The following GAPDHS variants were observed in gnomAD, a reference collection of about 807,000 sequenced individuals.
GAPDHS encodes the protein glyceraldehyde-3-phosphate dehydrogenase, testis-specific.
Under a neutral mutation model 48.7 loss-of-function variants are expected in GAPDHS, and 42 were observed. The observed-to-expected ratio is 0.86, with a 90% confidence interval of 0.67 to 1.12. GAPDHS has a LOEUF of 1.12. Among genes scored for constraint, GAPDHS ranks in the 50% most tolerant of loss-of-function variants. The pLI, the probability that GAPDHS is intolerant of heterozygous loss-of-function variation, is 0.00. For missense variants in GAPDHS, 512 were observed against 557.7 expected (o/e 0.92, Z 0.82); for synonymous variants, 166 against 219.1 (o/e 0.76, Z 2.14).
At chr19:35,542,286 G>C (rs764724573) in intron 4 of GAPDHS, 33 bp from the exon 5 acceptor site, 2 of 1,437,764 alleles carry the variant, frequency 1.4e-6, no homozygotes, top group South Asian at 2.3e-5. Context: ...CTCAAGCAGG[G>C]GAGACTGACT....
chr19:35,543,066 G>A, intron 7 of GAPDHS, 40 bp downstream of exon 7: 2 of 1,478,306 alleles, frequency 1.4e-6, no homozygotes, highest in Non-Finnish European at 1.9e-6. Flanking sequence ...AAGGATGGCA[G>A]GGAAACCCAA....
At position 35,543,752 on chromosome 19, in the gene GAPDHS, C is replaced by T; in HGVS notation, c.981C>T (p.Tyr327=). The change falls in exon 9 of 11, where the codon TAC becomes TAT. Residue 327 remains tyrosine, a synonymous_variant. Transcript: ENST00000222286. ...LTCRLAQPAP[Y]SAIKEAVKAA... ...GCCGCCTCGCCCAGCCTGCCCCCTA[C>T]TCAGCCATCAAGGAGGCTGTAAAAG... 6.2e-7 allele frequency: 1 copy of T among 1,614,022 alleles called. No homozygotes were observed.
intron 6 of GAPDHS, 116 bp from the exon 7 acceptor site, chr19:35,542,829 C>T (rs1288029963): frequency 2.4e-6 from 2 of 825,914 alleles, no homozygotes; most frequent in Non-Finnish European, 4.2e-6. Context: ...TCCCTCTCAC[C>T]CTCATCCTGA....
chr19:35,536,361 C>T (rs2071466024), intron 1 of GAPDHS, among the ~76,000 whole-genome samples: 1 of 151,848 alleles, frequency 6.6e-6, no homozygotes, highest in South Asian at 2.1e-4. Flanking sequence ...GGGTGGATCA[C>T]CTAAGGTCAG....
chr19:35,543,446 C>A lies in GAPDHS; in HGVS notation c.848C>A (p.Thr283Asn), dbSNP rs1426932407. The A allele has an allele frequency of 6.2e-7, 1 of 1,607,362 alleles. No individual in the cohort carries two copies. The highest frequency in any genetic ancestry group is 8.5e-7 in the Non-Finnish European group (1 of 1,178,158). Reference sequence around the variant, plus strand: ...CACCAGAACATCATCCCAGCCTCCACTGGGGCTGCGAAAGCTGTGACCAAA... The same window carrying A: ...CACCAGAACATCATCCCAGCCTCCAATGGGGCTGCGAAAGCTGTGACCAAA... ...GAHQNIIPASTGAAKAVTKVI... is the reference protein window; with the variant it reads ...GAHQNIIPASNGAAKAVTKVI... The change falls in exon 8 of 11, where the codon ACT becomes AAT. Residue 283 changes from threonine (T) to asparagine (N), a missense_variant. Thr to Asn is a moderately conservative substitution (Grantham distance 65). Transcript: ENST00000222286.
Position 35,538,561 on chromosome 19 carries a change from A to G in GAPDHS, c.343-16A>G. 6.6e-7 allele frequency: 1 copy of G among 1,525,578 alleles called. No homozygotes were observed. The allele number at this position is 1,525,578 out of a possible 1,614,324, so 94.5% of individuals were successfully genotyped here. On this transcript the variant is annotated splice_polypyrimidine_tract_variant and intron_variant, in intron 3 of 10. Transcript: ENST00000222286. ...CCCTGCCACCCCAAGACTAGGAGCC[A>G]TTCCATCCCCCACAGGTGTACATGT...
At chr19:35,535,328 T>C (rs1339192887) in intron 1 of GAPDHS, among the ~76,000 whole-genome samples, 1 of 152,216 alleles carries the variant, frequency 6.6e-6, no homozygotes, top group Non-Finnish European at 1.5e-5. Flanking sequence ...CAGAGTATGA[T>C]ACACGGTACT....
chr19:35,544,792 T>C, intron 9 of GAPDHS, 117 bp from the exon 10 acceptor site: 8 of 730,738 alleles, frequency 1.1e-5, no homozygotes, highest in Non-Finnish European at 2.0e-5. Context: ...ACAGTAGGGC[T>C]ACATCAAATA....
At chr19:35,539,792 T>C (rs2071489435) in intron 4 of GAPDHS, among the ~76,000 whole-genome samples, 1 of 152,124 alleles carries the variant, frequency 6.6e-6, no homozygotes, top group Non-Finnish European at 1.5e-5. Flanking sequence ...AACCCAAGTT[T>C]GAAATCATGA....
chr19:35,535,026 GATCTCA>G (rs1178615557), intron 1 of GAPDHS, among the ~76,000 whole-genome samples: 1 of 152,290 alleles, frequency 6.6e-6, no homozygotes, highest in African/African-American at 2.4e-5. Flanking sequence ...TGGGCCTCGA[GATCTCA>G]CTGCGCCCTC....
intron 1 of GAPDHS, among the ~76,000 whole-genome samples, chr19:35,534,869 C>T (rs1296316869): frequency 1.3e-5 from 2 of 151,868 alleles, no homozygotes. Flanking sequence ...CCAGCCCCAC[C>T]ACCCCCCAGG....
In GAPDHS at chr19:35,533,555, A is replaced by G; in HGVS notation, c.28A>G (p.Asn10Asp). Reference sequence around the variant, plus strand: ...GTCGAAGCGCGACATCGTCCTCACCAATGTCACCGTTGTCCAGTTGCTGCG... The same window carrying G: ...GTCGAAGCGCGACATCGTCCTCACCGATGTCACCGTTGTCCAGTTGCTGCG... MSKRDIVLT[N>D]VTVVQLLRQP... is the part of the protein sequence containing the mutation. Residue 10 changes from asparagine (N) to aspartate (D), a missense_variant, in exon 1 of 11, where the codon AAT becomes GAT. Coordinates refer to ENST00000222286, the MANE Select transcript of GAPDHS (RefSeq NM_014364.5). 6.2e-7 allele frequency: 1 copy of G among 1,613,436 alleles called. No individual in the cohort carries two copies. Among genetic ancestry groups the G allele is most frequent in the Non-Finnish European group, 8.5e-7 (1 of 1,179,810 alleles).
chr19:35,543,039 T>C lies in GAPDHS; in HGVS notation c.741+13T>C, dbSNP rs1245570703. 10 of 1,596,244 alleles carry C rather than the reference T, an allele frequency of 6.3e-6. No homozygotes were observed. Among genetic ancestry groups the C allele is most frequent in the Non-Finnish European group, 8.6e-6 (10 of 1,163,684 alleles). ...GGAAGGGTTGATGGTGAGTTGAGGA[T>C]GAGGGGCTGGGGCAGGAAGGATGGC... On this transcript the variant is annotated intron_variant, in intron 7 of 10. Coordinates refer to ENST00000222286, the MANE Select transcript of GAPDHS (RefSeq NM_014364.5).
At chr19:35,544,746 T>C (rs2071532567) in intron 9 of GAPDHS, 163 bp from the exon 10 acceptor site, 1 of 639,566 alleles carries the variant, frequency 1.6e-6, no homozygotes. Context: ...GGTCATACCC[T>C]GCACTTGGTC....
At position 35,533,608 on chromosome 19, in the gene GAPDHS, C is replaced by A; in HGVS notation, c.67+14C>A. Reference sequence around the variant, plus strand: ...AGCCGTGCCCGGGTGAGGGAGGCAGCGGAGGGCGCGGGGGAGGGGTGGAAA... The same window carrying A: ...AGCCGTGCCCGGGTGAGGGAGGCAGAGGAGGGCGCGGGGGAGGGGTGGAAA... On this transcript the variant is annotated intron_variant, in intron 1 of 10. Coordinates refer to ENST00000222286, the MANE Select transcript of GAPDHS (RefSeq NM_014364.5). 6.2e-7 allele frequency: 1 copy of A among 1,601,442 alleles called. No homozygotes were observed. The highest frequency in any genetic ancestry group is 2.2e-5 in the East Asian group (1 of 44,780).
At chr19:35,544,081 A>C in intron 9 of GAPDHS, 3 of 474,876 alleles carry the variant, frequency 6.3e-6, no homozygotes, top group Non-Finnish European at 1.1e-5. Context: ...ACCCCCTCAA[A>C]ATATGTTCTT....
chr19:35,543,588 C>A, intron 8 of GAPDHS, 77 bp from the exon 9 acceptor site: 1 of 1,580,962 alleles, frequency 6.3e-7, no homozygotes, highest in Non-Finnish European at 8.6e-7. Flanking sequence ...AGGGGCCTGG[C>A]CCAGCCACAG....
At chr19:35,544,882 A>G in intron 9 of GAPDHS, 27 bp from the exon 10 acceptor site, 1 of 1,450,172 alleles carries the variant, frequency 6.9e-7, no homozygotes, top group Non-Finnish European at 9.7e-7. Context: ...TGCCGGACAC[A>G]CTTATCTTTG....
chr19:35,539,411 A>C (rs2071487026), intron 4 of GAPDHS, among the ~76,000 whole-genome samples: 1 of 152,170 alleles, frequency 6.6e-6, no homozygotes, highest in South Asian at 2.1e-4. Context: ...TTTACTTTAG[A>C]ATGCCCTGGG....
Sources: gnomAD v4.1 joint callset for allele counts (sites outside exome capture counted in the v4.1 genomes callset) on GRCh38, gnomAD v4.1.1 for gene constraint, MANE v1.5 for transcripts, NCBI Gene and HGNC (gene_info 2026-07-23, HGNC 2026-07-21) for gene names.